The following PPP2R3A variants were observed in gnomAD, a reference collection of about 807,000 sequenced individuals.
The protein encoded by PPP2R3A is serine/threonine-protein phosphatase 2A regulatory subunit B'' subunit alpha.
A neutral mutation model predicts 106.9 loss-of-function variants in PPP2R3A; 80 were observed. The ratio of observed to expected loss-of-function variants is 0.75; its 90% CI spans 0.62 to 0.90. The LOEUF is 0.90. PPP2R3A is among the 40% of genes least tolerant of loss of function. The pLI, the probability that PPP2R3A is intolerant of heterozygous loss-of-function variation, is 0.00. For missense variants in PPP2R3A, 1,386 were observed against 1,350.4 expected, an observed-to-expected ratio of 1.03 and a Z score of -0.41; for synonymous variants, 483 against 468.3, an observed-to-expected ratio of 1.03 and a Z score of -0.41.
chr3:136,142,850 G>GACAACACGTT lies in PPP2R3A; in HGVS notation c.3330-2191_3330-2182dup, dbSNP rs555440105. Among the ~76,000 whole-genome samples, 922 of 152,316 alleles carry GACAACACGTT rather than the reference G, an allele frequency of 6.1e-3. 11 individuals are homozygous for GACAACACGTT. The highest frequency in any genetic ancestry group is 0.021 in the African/African-American group (873 of 41,554). ...AGGTATTTAACACTGATAGCTTACA[G>GACAACACGTT]ACAACACGTTAGGGCACCAAGGGGA... On this transcript the variant is annotated intron_variant, in intron 13 of 13. Transcript: ENST00000264977.
At chr3:136,071,510 A>G (rs1936428722) in intron 6 of PPP2R3A, among the ~76,000 whole-genome samples, 1 of 152,208 alleles carries the variant, frequency 6.6e-6, no homozygotes, top group Non-Finnish European at 1.5e-5. Context: ...GTGACACTCT[A>G]CTAAATTACC....
At chr3:136,095,009 C>T (rs896047083) in intron 10 of PPP2R3A, among the ~76,000 whole-genome samples, 1 of 152,236 alleles carries the variant, frequency 6.6e-6, no homozygotes, top group African/African-American at 2.4e-5. Context: ...GGTCCCTCTT[C>T]CAGAATCTGC....
intron 13 of PPP2R3A, among the ~76,000 whole-genome samples, chr3:136,115,043 A>G (rs961020486): frequency 7.9e-5 from 12 of 152,190 alleles, no homozygotes; most frequent in Non-Finnish European, 1.8e-4. Context: ...GCGGGTGTCC[A>G]TCTGGGACGA....
chr3:136,000,575 C>G (rs1933581586), intron 1 of PPP2R3A, among the ~76,000 whole-genome samples: 1 of 152,054 alleles, frequency 6.6e-6, no homozygotes, highest in Admixed American at 6.5e-5. Context: ...GACTCAAGAA[C>G]AGGTACTAGG....
chr3:136,090,222 T>C (rs1471007372), intron 9 of PPP2R3A, among the ~76,000 whole-genome samples: 1 of 152,218 alleles, frequency 6.6e-6, no homozygotes, highest in Non-Finnish European at 1.5e-5. Flanking sequence ...TTCAGTATAA[T>C]GCTAGCTATG....
chr3:136,101,890 A>G (rs1937369411), intron 10 of PPP2R3A, 117 bp from the exon 11 acceptor site: 9 of 1,100,136 alleles, frequency 8.2e-6, no homozygotes, highest in South Asian at 2.0e-5. Flanking sequence ...TTGTAAAACT[A>G]TATCTAAGCC....
chr3:136,120,920 A>T (rs976457482), intron 13 of PPP2R3A, among the ~76,000 whole-genome samples: 1 of 151,298 alleles, frequency 6.6e-6, no homozygotes, highest in Admixed American at 6.6e-5. Context: ...TTAAAAAGTT[A>T]AAAAAAAATC....
intron 6 of PPP2R3A, 36 bp downstream of exon 6, chr3:136,070,588 A>G (rs1379543721): frequency 2.1e-5 from 32 of 1,531,126 alleles, no homozygotes; most frequent in Non-Finnish European, 2.8e-5. Context: ...ATATAACTCC[A>G]TAAGTCACCT....
intron 2 of PPP2R3A, among the ~76,000 whole-genome samples, chr3:136,010,053 C>G (rs1933993227): frequency 6.6e-6 from 1 of 152,014 alleles, no homozygotes; most frequent in Admixed American, 6.6e-5. Flanking sequence ...TGCCTTTTTC[C>G]CTGTCTTCTA....
At chr3:136,037,297 G>A (rs937969710) in intron 3 of PPP2R3A, among the ~76,000 whole-genome samples, 2 of 152,204 alleles carry the variant, frequency 1.3e-5, no homozygotes, top group Admixed American at 1.3e-4. Context: ...TTCTCAGTGT[G>A]TAGTTTGTAC....
chr3:135,998,177 C>A (rs1227681111), intron 1 of PPP2R3A, among the ~76,000 whole-genome samples: 1 of 152,198 alleles, frequency 6.6e-6, no homozygotes, highest in Non-Finnish European at 1.5e-5. Context: ...CAGTGTTCTG[C>A]CTCTCTGCCT....
chr3:136,035,204 AT>A (rs1312802718), intron 3 of PPP2R3A, among the ~76,000 whole-genome samples: 1 of 152,208 alleles, frequency 6.6e-6, no homozygotes, highest in Non-Finnish European at 1.5e-5. Context: ...TATTTAGGCC[AT>A]TTACATTCAA....
intron 13 of PPP2R3A, among the ~76,000 whole-genome samples, chr3:136,133,374 G>A (rs1156478240): frequency 6.6e-6 from 1 of 152,076 alleles, no homozygotes; most frequent in African/African-American, 2.4e-5. Context: ...CAGTAAATAA[G>A]TGTATGAAAA....
chr3:136,066,893 G>A (rs577760666), intron 5 of PPP2R3A, among the ~76,000 whole-genome samples: 6 of 152,076 alleles, frequency 3.9e-5, no homozygotes, highest in Admixed American at 2.0e-4. Context: ...TATTAATGTC[G>A]TATGTTATAT....
intron 13 of PPP2R3A, among the ~76,000 whole-genome samples, chr3:136,119,594 A>G (rs974495186): frequency 2.0e-5 from 3 of 152,240 alleles, no homozygotes; most frequent in Non-Finnish European, 4.4e-5. Context: ...TGCAGCCAAC[A>G]AACATATGAA....
intron 13 of PPP2R3A, among the ~76,000 whole-genome samples, chr3:136,116,518 T>C (rs765295831): frequency 5.9e-5 from 9 of 152,206 alleles, no homozygotes; most frequent in Non-Finnish European, 8.8e-5. Context: ...AAGACACATA[T>C]AGGCTCAAAA....
chr3:135,968,692 C>T (rs968628505), intron 1 of PPP2R3A, among the ~76,000 whole-genome samples: 1 of 152,194 alleles, frequency 6.6e-6, no homozygotes, highest in African/African-American at 2.4e-5. Context: ...GCTCCCTCCC[C>T]CAGCTACCAT....
intron 10 of PPP2R3A, among the ~76,000 whole-genome samples, chr3:136,095,527 GA>G (rs1469598552): frequency 6.6e-6 from 1 of 152,108 alleles, no homozygotes; most frequent in African/African-American, 2.4e-5. Context: ...TCCTAGCTTG[GA>G]TTCAGACTCA....
intron 5 of PPP2R3A, among the ~76,000 whole-genome samples, chr3:136,056,687 G>A (rs1935873992): frequency 6.6e-6 from 1 of 151,286 alleles, no homozygotes; most frequent in African/African-American, 2.4e-5. Flanking sequence ...TTTTTTTTTG[G>A]ATATGAACCC....
Sources: allele counts gnomAD v4.1 joint callset (sites outside exome capture counted in the v4.1 genomes callset), GRCh38; gene constraint gnomAD v4.1.1; transcripts MANE v1.5; gene names NCBI Gene and HGNC (gene_info 2026-07-23, HGNC 2026-07-21).